Variants in RNLS observed in about 807,000 individuals in gnomAD.
The protein encoded by RNLS is renalase.
A neutral mutation model predicts 39.8 loss-of-function variants in RNLS; 39 were observed. That is an observed-to-expected ratio of 0.98 (90% CI 0.76 to 1.28). The LOEUF (loss-of-function observed/expected upper bound fraction) is 1.28. Among genes scored for constraint, RNLS ranks in the 50% most tolerant of loss-of-function variants. The probability of loss-of-function intolerance (pLI) is 0.00; values close to 1 mark genes in which losing one functional copy is unlikely to be tolerated. For synonymous variants in RNLS, 147 were observed against 150.7 expected, an observed-to-expected ratio of 0.98 and a Z score of 0.18; for missense variants, 410 against 413.3, an observed-to-expected ratio of 0.99 and a Z score of 0.07.
chr10:88,464,866 C>G (rs1472894915), intron 4 of RNLS, among the ~76,000 whole-genome samples: 1 of 152,066 alleles, frequency 6.6e-6, no homozygotes, highest in Non-Finnish European at 1.5e-5. Flanking sequence ...TCCCCTGATA[C>G]AAAATCAGAG....
chr10:88,411,583 T>C (rs935636846), intron 4 of RNLS, among the ~76,000 whole-genome samples: 2 of 152,022 alleles, frequency 1.3e-5, no homozygotes, highest in Non-Finnish European at 2.9e-5. Flanking sequence ...CACTCACACT[T>C]ATGTAATTAG....
At chr10:88,276,482 T>G (rs1009536636) in intron 6 of RNLS, among the ~76,000 whole-genome samples, 1 of 152,194 alleles carries the variant, frequency 6.6e-6, no homozygotes, top group African/African-American at 2.4e-5. Context: ...GAATCACATT[T>G]GATTTTTTTC....
intron 4 of RNLS, among the ~76,000 whole-genome samples, chr10:88,561,162 AT>A (rs1200627572): frequency 6.6e-6 from 1 of 152,174 alleles, no homozygotes; most frequent in Non-Finnish European, 1.5e-5. Context: ...CCAGAAAGTT[AT>A]AGCAAAGGAC....
chr10:88,249,588 G>C, the RNLS span, among the ~76,000 whole-genome samples: 1 of 152,118 alleles, frequency 6.6e-6, no homozygotes, highest in Non-Finnish European at 1.5e-5. Context: ...GGAATCATCT[G>C]AATTTTATTT....
chr10:88,244,369 G>A, the RNLS span, among the ~76,000 whole-genome samples: 2 of 152,314 alleles, frequency 1.3e-5, no homozygotes, highest in East Asian at 1.9e-4. Context: ...TTATTAGGAG[G>A]CAACGCCCCC....
At chr10:88,332,908 C>A (rs935932194) in intron 5 of RNLS, among the ~76,000 whole-genome samples, 7 of 152,054 alleles carry the variant, frequency 4.6e-5, no homozygotes, top group Non-Finnish European at 1.0e-4. Context: ...TGTTTTTACC[C>A]CTAAGAAACA....
intron 4 of RNLS, among the ~76,000 whole-genome samples, chr10:88,536,200 T>C (rs192821099): frequency 1.5e-4 from 23 of 152,342 alleles, no homozygotes; most frequent in African/African-American, 5.0e-4. Flanking sequence ...AAATACCTAA[T>C]GTTTGGAAAG....
intron 4 of RNLS, among the ~76,000 whole-genome samples, chr10:88,406,967 G>A (rs924752671): frequency 5.3e-5 from 8 of 151,928 alleles, no homozygotes; most frequent in East Asian, 1.9e-4. Context: ...CAAACATCGC[G>A]TGTTCTCACT....
chr10:88,429,030 T>C (rs1698082862), intron 4 of RNLS, among the ~76,000 whole-genome samples: 1 of 151,896 alleles, frequency 6.6e-6, no homozygotes, highest in Admixed American at 6.6e-5. Flanking sequence ...GAGTTAATGC[T>C]TTCATTAATC....
rs117007478 is a variant in RNLS at position 88,371,408 on chromosome 10, C to G, written c.527-8683G>C. On this transcript the variant is annotated intron_variant, in intron 4 of 6. Coordinates refer to ENST00000331772, the MANE Select transcript of RNLS (RefSeq NM_001031709.3). ...CAAAGACACGTCTTTGTCTAGTAAA[C>G]TGCACGGCTACACTTCACTTTTCAG... is the stretch of plus-strand genomic sequence containing the variant. Among the ~76,000 whole-genome samples the G allele has an allele frequency of 8.1e-3, 1,239 of 152,198 alleles. 18 individuals carry two copies. Among genetic ancestry groups the G allele is most frequent in the South Asian group, 0.029 (140 of 4,828 alleles).
chr10:88,413,163 A>G (rs1464914370), intron 4 of RNLS, among the ~76,000 whole-genome samples: 1 of 152,130 alleles, frequency 6.6e-6, no homozygotes, highest in Non-Finnish European at 1.5e-5. Context: ...AAGCTTCCAG[A>G]TACCTTGCTC....
chr10:88,201,970 TA>T, the RNLS span, among the ~76,000 whole-genome samples: 41 of 152,226 alleles, frequency 2.7e-4, no homozygotes, highest in African/African-American at 9.6e-4. Context: ...ATTGTGTTTT[TA>T]CATGCTACTA....
At chr10:88,297,018 T>A (rs1844142345) in intron 6 of RNLS, among the ~76,000 whole-genome samples, 1 of 152,224 alleles carries the variant, frequency 6.6e-6, no homozygotes, top group Non-Finnish European at 1.5e-5. Context: ...CATTTATGGA[T>A]GTGTAATATT....
chr10:88,278,735 A>T (rs951395278), intron 6 of RNLS, among the ~76,000 whole-genome samples: 1 of 152,176 alleles, frequency 6.6e-6, no homozygotes, highest in Non-Finnish European at 1.5e-5. Context: ...GTATAAAGTA[A>T]AGACTTTCTG....
the RNLS span, among the ~76,000 whole-genome samples, chr10:88,248,160 T>G: frequency 1.3e-5 from 2 of 152,254 alleles, no homozygotes; most frequent in Admixed American, 1.3e-4. Flanking sequence ...AATTTTTCCC[T>G]TATTAAGTGA....
Position 88,285,222 on chromosome 10 carries a change from A to G in RNLS, c.*132T>C. ...TTACAAAATTGATTTTATACTCCAC[A>G]TGAAAAATGATAATAAGTGAAGAAC... On this transcript the variant is annotated 3_prime_UTR_variant, in exon 7 of 7. Coordinates refer to ENST00000331772, the MANE Select transcript of RNLS (RefSeq NM_001031709.3). The G allele has an allele frequency of 1.4e-6, 2 of 1,384,206 alleles. No homozygotes were observed. The highest frequency in any genetic ancestry group is 1.8e-5 in the South Asian group (1 of 54,956). The allele number at this position is 1,384,206 out of a possible 1,614,324, so 85.7% of individuals were successfully genotyped here.
intron 4 of RNLS, among the ~76,000 whole-genome samples, chr10:88,526,117 T>C (rs1847085681): frequency 6.6e-6 from 1 of 152,030 alleles, no homozygotes; most frequent in Non-Finnish European, 1.5e-5. Flanking sequence ...GCATCTCAAC[T>C]ACTGCAAATA....
chr10:88,405,497 TCTGATATAAGAATAGCTACCC>T (rs1853205703), intron 4 of RNLS, among the ~76,000 whole-genome samples: 1 of 152,132 alleles, frequency 6.6e-6, no homozygotes, highest in East Asian at 1.9e-4. Flanking sequence ...GTTTATTTTG[TCTGATATAAGAATAGCTACCC>T]CTGCTTGCTT....
chr10:88,539,802 C>T (rs1021247354), intron 4 of RNLS, among the ~76,000 whole-genome samples: 1 of 152,022 alleles, frequency 6.6e-6, no homozygotes, highest in Non-Finnish European at 1.5e-5. Context: ...ACAAGTCAAT[C>T]TGTATTTATT....
Sources: gnomAD v4.1 joint callset for allele counts (sites outside exome capture counted in the v4.1 genomes callset) on GRCh38, gnomAD v4.1.1 for gene constraint, MANE v1.5 for transcripts, NCBI Gene and HGNC (gene_info 2026-07-23, HGNC 2026-07-21) for gene names.